The following KIF1A variants were observed in gnomAD, a reference collection of about 807,000 sequenced individuals.
The protein encoded by KIF1A is kinesin-like protein KIF1A.
In KIF1A, 46 loss-of-function variants were observed where a neutral mutation model predicts 227.3. The observed-to-expected ratio is 0.20, with a 90% CI of 0.16 to 0.26. The LOEUF is 0.26. Ranked by LOEUF, KIF1A falls within the 10% of genes least tolerant of loss-of-function variation. The pLI is 1.00. For missense variants in KIF1A, 1,683 were observed against 2,485.9 expected (o/e 0.68, Z 6.87); for synonymous variants, 1,022 against 1,012.8 (o/e 1.01, Z -0.17).
Position 240,740,089 on chromosome 2 carries a change from G to C in KIF1A, c.3870C>G (p.Ile1290Met). The change falls in exon 37 of 49, where the codon ATC (isoleucine) becomes ATG (methionine). Residue 1290 changes from isoleucine (I) to methionine (M), a missense_variant. By Grantham distance (10) the Ile-to-Met change is conservative. Coordinates refer to ENST00000498729, the MANE Select transcript of KIF1A (RefSeq NM_001244008.2). The surrounding 1 kb of genome is among the most constrained non-coding windows in gnomAD (Gnocchi z 6.1). ...CCAGCTCGCGCACTTCCTTCCAGCG[G>C]ATATGGCTGCCTGTCTCATGCAGTA... Reference protein sequence around the residue: ...VTLLHETGSHIRWKEVRELVV... With the variant: ...VTLLHETGSHMRWKEVRELVV... The C allele has an allele frequency of 6.3e-7, 1 of 1,590,058 alleles. No individual in the cohort carries two copies. The highest frequency in any genetic ancestry group is 8.6e-7 in the Non-Finnish European group (1 of 1,168,838).
At chr2:240,797,084 C>A (rs1335135180) in intron 2 of KIF1A, among the ~76,000 whole-genome samples, 1 of 152,218 alleles carries the variant, frequency 6.6e-6, no homozygotes, top group Non-Finnish European at 1.5e-5. Context: ...GCACCAGAGG[C>A]CCCAGCACAA....
chr2:240,797,587 C>T, intron 2 of KIF1A, 60 bp downstream of exon 2: 1 of 1,220,050 alleles, frequency 8.2e-7, no homozygotes, highest in Non-Finnish European at 1.2e-6. Context: ...CCCATAGGCA[C>T]AGGACCATGG....
chr2:240,819,820 C>A (rs79612768), intron 1 of KIF1A, among the ~76,000 whole-genome samples: 59,475 of 152,052 alleles, frequency 0.39, 12,465 homozygotes, highest in Admixed American at 0.56. Flanking sequence ...CGAGGGCGAC[C>A]CCCGCCCGCC....
Position 240,746,128 on chromosome 2 carries a change from G to C in KIF1A, c.3113C>G (p.Ser1038Cys). The C allele has an allele frequency of 6.4e-7, 1 of 1,573,270 alleles. No homozygotes were observed. Among genetic ancestry groups the C allele is most frequent in the Non-Finnish European group, 8.6e-7 (1 of 1,159,960 alleles). The change falls in exon 30 of 49, where the codon TCC (serine) becomes TGC (cysteine). Residue 1038 changes from serine (S) to cysteine (C), a missense_variant. By Grantham distance (112) the Ser-to-Cys change is moderately radical. Around this residue, in one of 12 missense-constraint regions of KIF1A, gnomAD observed 759 missense variants for 1,020.2 expected, o/e 0.74. Coordinates refer to ENST00000498729, the MANE Select transcript of KIF1A (RefSeq NM_001244008.2). ...CTCCACGATGCGAAGCTCTTCCTGG[G>C]AGGTTCCCGAGCGGGACATCCCCAC... ...PVVGMSRSGT[S>C]QEELRIVEGQ...
rs1553633725 is a variant in KIF1A at position 240,762,769 on chromosome 2, G to A, written c.2066C>T (p.Ser689Phe). 6.2e-7 allele frequency: 1 copy of A among 1,600,468 alleles called. No homozygotes were observed. The highest frequency in any genetic ancestry group is 8.5e-7 in the Non-Finnish European group (1 of 1,170,148). ...KLEALQKQMD[S>F]RYYPEVNEEE... ...CTCGTTCACCTCCGGGTAGTACCTGGAGTCCATCTGCTTCTGCAGAGCCTC... is the reference window on the plus strand; with the variant it reads ...CTCGTTCACCTCCGGGTAGTACCTGAAGTCCATCTGCTTCTGCAGAGCCTC... Residue 689 changes from serine (S) to phenylalanine (F), a missense_variant, in exon 23 of 49, where the codon TCC becomes TTC. Physicochemically the swap from Ser to Phe is radical, Grantham distance 155 (BLOSUM62 -2). This residue lies in a region of KIF1A where 217 missense variants were observed against 427.0 expected (regional missense o/e 0.51). Transcript: ENST00000498729.
At chr2:240,807,116 GTGTGTGTGTGTGTGTA>G (rs1174219914) in intron 1 of KIF1A, among the ~76,000 whole-genome samples, 6 of 139,696 alleles carry the variant, frequency 4.3e-5, no homozygotes, top group Admixed American at 7.2e-5. Context: ...GTGTGTGTGT[GTGTGTGTGTGTGTGTA>G]TATATATATA....
chr2:240,755,582 AAAGATC>A (rs1220939016), intron 27 of KIF1A, among the ~76,000 whole-genome samples: 7 of 152,204 alleles, frequency 4.6e-5, no homozygotes, highest in Admixed American at 1.3e-4. Context: ...GCCAAACCAA[AAAGATC>A]AAGATGATTC....
intron 48 of KIF1A, among the ~76,000 whole-genome samples, chr2:240,717,802 G>A (rs1443663915): frequency 6.6e-6 from 1 of 152,234 alleles, no homozygotes. Context: ...ACATAAGTGA[G>A]GGCAGGCCGC....
At position 240,766,747 on chromosome 2, in the gene KIF1A, T is replaced by TCACACA. The variant is rs1344499129; in HGVS notation, c.1684+167_1684+168insTGTGTG. Among the ~76,000 whole-genome samples, 117 of 119,498 alleles carry TCACACA rather than the reference T, an allele frequency of 9.8e-4. No homozygotes were observed. The highest frequency in any genetic ancestry group is 1.5e-3 in the Non-Finnish European group (93 of 60,180). 78.4% of individuals were successfully genotyped at this position (119,498 alleles called of 152,430 possible). ...ATCTCTCTCTCTCTCTCTCTCTCTC[T>TCACACA]CTCACACACACACACACACACACAC... On this transcript the variant is annotated intron_variant, in intron 19 of 48. Coordinates refer to ENST00000498729, the MANE Select transcript of KIF1A (RefSeq NM_001244008.2). This position sits in a 1 kb window ranked among gnomAD's most constrained non-coding sequence, Gnocchi z 5.0.
chr2:240,728,026 T>A (rs996824422), intron 38 of KIF1A, among the ~76,000 whole-genome samples: 23 of 152,102 alleles, frequency 1.5e-4, no homozygotes, highest in Non-Finnish European at 2.5e-4. Flanking sequence ...CCTCCAAGCA[T>A]CCTCGCAAGG....
At position 240,793,550 on chromosome 2, in the gene KIF1A, G is replaced by A. The variant is rs2056007497; in HGVS notation, c.106+4097C>T. Reference sequence around the variant, plus strand: ...CTCCGGTCCTCAGGGCAGAGAATGTGAGGAGAGAGGAGGAGGACGGAAGCA... The same window carrying A: ...CTCCGGTCCTCAGGGCAGAGAATGTAAGGAGAGAGGAGGAGGACGGAAGCA... On this transcript the variant is annotated intron_variant, in intron 2 of 48. Transcript: ENST00000498729. This position sits in a 1 kb window ranked among gnomAD's most constrained non-coding sequence, Gnocchi z 4.8. Among the ~76,000 whole-genome samples, 1 of 152,134 alleles carries A rather than the reference G, an allele frequency of 6.6e-6. No homozygotes were observed. The highest frequency in any genetic ancestry group is 1.9e-4 in the East Asian group (1 of 5,166).
At chr2:240,721,512 G>C (rs1242055540) in intron 44 of KIF1A, among the ~76,000 whole-genome samples, 1 of 152,198 alleles carries the variant, frequency 6.6e-6, no homozygotes, top group Non-Finnish European at 1.5e-5. Context: ...AGGCCACAGG[G>C]TGATGGCCAG....
intron 12 of KIF1A, 100 bp from the exon 13 acceptor site, chr2:240,773,356 C>T: frequency 6.8e-7 from 1 of 1,472,510 alleles, no homozygotes; most frequent in Non-Finnish European, 9.3e-7. Context: ...GCCTTTTGGG[C>T]TCAGCAGCCA....
intron 1 of KIF1A, among the ~76,000 whole-genome samples, chr2:240,817,939 C>G (rs569969445): frequency 8.5e-5 from 13 of 152,360 alleles, no homozygotes; most frequent in African/African-American, 3.1e-4. Flanking sequence ...CCTGATCCAG[C>G]CAAGCATCAT....
intron 1 of KIF1A, among the ~76,000 whole-genome samples, chr2:240,811,983 C>T (rs574687999): frequency 7.9e-5 from 12 of 152,130 alleles, no homozygotes; most frequent in Non-Finnish European, 1.0e-4. Flanking sequence ...TATGGCCAGC[C>T]GGCTGTGATG....
In KIF1A at chr2:240,725,572, C is replaced by T. The variant is rs1277876549; in HGVS notation, c.4123-168G>A. 1 of 692,856 alleles carries T rather than the reference C, an allele frequency of 1.4e-6. No individual in the cohort carries two copies. The highest frequency in any genetic ancestry group is 2.3e-6 in the Non-Finnish European group (1 of 425,926). 42.9% of individuals were successfully genotyped at this position (692,856 alleles called of 1,614,324 possible). A position where few individuals can be genotyped will look rare whatever the true frequency, so the allele number is the denominator to read the frequency against. On this transcript the variant is annotated intron_variant, in intron 39 of 48. Transcript: ENST00000498729. This position sits in a 1 kb window ranked among gnomAD's most constrained non-coding sequence, Gnocchi z 5.8. Reference sequence around the variant, plus strand: ...AGGCAGGAGAAAGTCTCTGCTCCTGCCCTCGAGAAAACCCCACTGGGGACA... The same window carrying T: ...AGGCAGGAGAAAGTCTCTGCTCCTGTCCTCGAGAAAACCCCACTGGGGACA...
At chr2:240,805,319 T>C (rs2057329082) in intron 1 of KIF1A, among the ~76,000 whole-genome samples, 1 of 152,144 alleles carries the variant, frequency 6.6e-6, no homozygotes, top group African/African-American at 2.4e-5. Context: ...GGGTAACATA[T>C]GGGAAAGAAC....
intron 4 of KIF1A, 81 bp downstream of exon 4, chr2:240,787,970 G>C (rs1575636551): frequency 1.5e-6 from 2 of 1,351,046 alleles, no homozygotes. Context: ...TGCTCTCAGG[G>C]GTGCCTGGCC....
chr2:240,717,357 C>G lies in KIF1A; in HGVS notation c.*7G>C. The G allele has an allele frequency of 6.2e-7, 1 of 1,611,126 alleles. No individual in the cohort carries two copies. The highest frequency in any genetic ancestry group is 8.5e-7 in the Non-Finnish European group (1 of 1,179,306). On this transcript the variant is annotated 3_prime_UTR_variant, in exon 49 of 49. Coordinates refer to ENST00000498729, the MANE Select transcript of KIF1A (RefSeq NM_001244008.2). ...GGGCCTGCCGGCTGTCACGGGAGGG[C>G]TCAGGTTCAGACCCGCATCTGGGCA...
Sources: allele counts gnomAD v4.1 joint callset (sites outside exome capture counted in the v4.1 genomes callset), GRCh38; gene constraint gnomAD v4.1.1; regional missense constraint gnomAD v4.1.1; non-coding constraint Gnocchi (gnomAD v3.1); transcripts MANE v1.5; gene names NCBI Gene and HGNC (gene_info 2026-07-23, HGNC 2026-07-21).